NAALADL2: variants seen among roughly 807,000 people sequenced by gnomAD.
NAALADL2 encodes the protein N-acetylated alpha-linked acidic dipeptidase like 2.
In NAALADL2, 76 loss-of-function variants were observed where a neutral mutation model predicts 87.2. That is an observed-to-expected ratio of 0.87 (90% CI 0.72 to 1.05). The LOEUF is 1.05. NAALADL2 is among the 50% of genes least tolerant of loss of function. NAALADL2 has a pLI of 0.00. For missense variants in NAALADL2, 1,089 were observed against 945.8 expected (o/e 1.15, Z -1.99); for synonymous variants, 354 against 331.0 (o/e 1.07, Z -0.75).
rs749097930 is a variant in NAALADL2, at chr3:175,808,091, G to C, written c.*4888G>C. On this transcript the variant is annotated 3_prime_UTR_variant, in exon 14 of 14. Transcript: ENST00000454872. ...ATTTAAATGATCTGTTAATCAGCCAGAGTTTTAGTTTCATAATATCGTTCC... is the reference window on the plus strand; with the variant it reads ...ATTTAAATGATCTGTTAATCAGCCACAGTTTTAGTTTCATAATATCGTTCC... 2.0e-5 allele frequency: 3 copies of C among 151,896 alleles called. No homozygotes were observed. The highest frequency in any genetic ancestry group is 4.4e-5 in the Non-Finnish European group (3 of 67,902). The allele number at this position is 151,896 out of a possible 1,614,324, so 9.4% of individuals were successfully genotyped here. A position where few individuals can be genotyped will look rare whatever the true frequency, so the allele number is the denominator to read the frequency against.
At chr3:175,045,862 C>T (rs1754601747) in intron 1 of NAALADL2, among the ~76,000 whole-genome samples, 2 of 152,116 alleles carry the variant, frequency 1.3e-5, no homozygotes, top group African/African-American at 2.4e-5. Flanking sequence ...TGGAGGAACA[C>T]TATCACTATT....
chr3:174,900,498 C>T (rs1285072697), intron 1 of NAALADL2, among the ~76,000 whole-genome samples: 1 of 151,856 alleles, frequency 6.6e-6, no homozygotes, highest in African/African-American at 2.4e-5. Flanking sequence ...TTTTGAAAGA[C>T]TGTTTTGCAA....
intron 1 of NAALADL2, among the ~76,000 whole-genome samples, chr3:174,519,299 TGAAACAAGTGAATGAATGAAGATTTCC>T (rs1720118936): frequency 1.1e-4 from 16 of 151,188 alleles, no homozygotes; most frequent in African/African-American, 3.7e-4. Flanking sequence ...GCAAAGTTTT[TGAAACAAGTGAATGAATGAAGATTTCC>T]TTTTTTTTTT....
intron 11 of NAALADL2, among the ~76,000 whole-genome samples, chr3:175,735,160 A>G (rs1744333638): frequency 6.6e-6 from 1 of 152,228 alleles, no homozygotes; most frequent in South Asian, 2.1e-4. Flanking sequence ...GCAAAATGCC[A>G]CCAATCTCTT....
chr3:174,880,126 A>G (rs1263992818), intron 1 of NAALADL2, among the ~76,000 whole-genome samples: 2 of 151,982 alleles, frequency 1.3e-5, no homozygotes, highest in East Asian at 1.9e-4. Context: ...TATCAGCTCT[A>G]TATCGATGAT....
intron 1 of NAALADL2, among the ~76,000 whole-genome samples, chr3:175,006,573 T>C (rs991775336): frequency 5.9e-5 from 9 of 152,064 alleles, no homozygotes; most frequent in African/African-American, 1.9e-4. Context: ...CAAGTATTTT[T>C]TTTTCTTGTT....
chr3:175,772,939 G>T (rs190268776), intron 13 of NAALADL2, among the ~76,000 whole-genome samples: 1 of 152,048 alleles, frequency 6.6e-6, no homozygotes, highest in Non-Finnish European at 1.5e-5. Flanking sequence ...AACAATAACT[G>T]CCAAAAAGGT....
intron 13 of NAALADL2, among the ~76,000 whole-genome samples, chr3:175,772,432 T>C (rs1749621374): frequency 6.6e-6 from 1 of 152,162 alleles, no homozygotes; most frequent in Admixed American, 6.5e-5. Context: ...AAGATGCTTC[T>C]ATCTACAATT....
At chr3:174,565,335 T>A (rs890286479) in intron 2 of NAALADL2, among the ~76,000 whole-genome samples, 10 of 152,048 alleles carry the variant, frequency 6.6e-5, no homozygotes, top group African/African-American at 2.4e-4. Context: ...CATTCTTGCC[T>A]CCCTTCCCCC....
chr3:174,984,945 T>G (rs1324075563), intron 1 of NAALADL2, among the ~76,000 whole-genome samples: 2 of 152,200 alleles, frequency 1.3e-5, no homozygotes, highest in African/African-American at 4.8e-5. Context: ...AATATTTAGA[T>G]ATGTGATTTA....
chr3:175,781,207 T>C (rs531745250), intron 13 of NAALADL2, among the ~76,000 whole-genome samples: 10 of 152,296 alleles, frequency 6.6e-5, no homozygotes, highest in African/African-American at 2.4e-4. Context: ...CTTTTAAAAA[T>C]TATTTTCATT....
At chr3:174,658,480 G>A (rs984381333) in intron 2 of NAALADL2, among the ~76,000 whole-genome samples, 1 of 151,958 alleles carries the variant, frequency 6.6e-6, no homozygotes, top group African/African-American at 2.4e-5. Context: ...TTATTATTGA[G>A]TTTTTAGAAA....
intron 5 of NAALADL2, among the ~76,000 whole-genome samples, chr3:175,327,476 A>G (rs1053880728): frequency 4.6e-5 from 7 of 151,768 alleles, no homozygotes; most frequent in Admixed American, 2.0e-4. Context: ...CATTTCTACC[A>G]TTTTTGTTTT....
intron 1 of NAALADL2, among the ~76,000 whole-genome samples, chr3:175,052,615 A>T (rs1755561681): frequency 6.6e-6 from 1 of 152,180 alleles, no homozygotes; most frequent in African/African-American, 2.4e-5. Flanking sequence ...AGCCCCTTCA[A>T]GCACTCCAGT....
chr3:175,301,151 T>G (rs931663166), intron 4 of NAALADL2, among the ~76,000 whole-genome samples: 1 of 152,186 alleles, frequency 6.6e-6, no homozygotes, highest in Non-Finnish European at 1.5e-5. Context: ...CTTTTGAATT[T>G]GTTTGCTCTT....
chr3:174,540,675 A>G (rs1486996812), intron 1 of NAALADL2: 1 of 152,168 alleles, frequency 6.6e-6, no homozygotes, highest in East Asian at 1.9e-4. Flanking sequence ...GCATAAATTT[A>G]CCTCACTTCA....
intron 2 of NAALADL2, among the ~76,000 whole-genome samples, chr3:174,554,389 T>C (rs1164162351): frequency 6.6e-6 from 1 of 152,080 alleles, no homozygotes; most frequent in Non-Finnish European, 1.5e-5. Context: ...ACAATTTATC[T>C]AAGTGCTTAT....
chr3:175,316,563 G>A (rs145388854), intron 4 of NAALADL2, among the ~76,000 whole-genome samples: 2,997 of 152,212 alleles, frequency 0.02, 61 homozygotes, highest in Admixed American at 0.062. Flanking sequence ...TGTAGTCATC[G>A]TTCTATATCT....
At chr3:175,001,938 C>T (rs1579956727) in intron 1 of NAALADL2, among the ~76,000 whole-genome samples, 2 of 152,086 alleles carry the variant, frequency 1.3e-5, no homozygotes, top group African/African-American at 4.8e-5. Context: ...CCAAGGAAAA[C>T]AATAGACTCT....
Sources: gnomAD v4.1 joint callset for allele counts (sites outside exome capture counted in the v4.1 genomes callset) on GRCh38, gnomAD v4.1.1 for gene constraint, MANE v1.5 for transcripts, NCBI Gene and HGNC (gene_info 2026-07-23, HGNC 2026-07-21) for gene names.